WWC2: variants seen among roughly 807,000 people sequenced by gnomAD.
WWC2 encodes the protein protein WWC2.
A neutral mutation model predicts 138.5 loss-of-function variants in WWC2; 101 were observed. The observed-to-expected ratio is 0.73, with a 90% confidence interval of 0.62 to 0.86. The LOEUF (loss-of-function observed/expected upper bound fraction) is 0.86, where lower values mean the gene tolerates loss of function less well. WWC2 is among the 40% of genes least tolerant of loss of function. WWC2 has a pLI of 0.00. For synonymous variants in WWC2, 558 were observed against 538.4 expected, an observed-to-expected ratio of 1.04 and a Z score of -0.50; for missense variants, 1,420 against 1,419.4, an observed-to-expected ratio of 1.00 and a Z score of -0.01.
intron 9 of WWC2, among the ~76,000 whole-genome samples, chr4:183,256,387 C>T (rs982457896): frequency 6.6e-6 from 1 of 152,206 alleles, no homozygotes; most frequent in African/African-American, 2.4e-5. Context: ...GATACAACCT[C>T]GTCTGGCTTT....
At chr4:183,133,080 C>CCCTTTTCTTTTTCCTTCCCTCTTCG (rs1732985957) in intron 1 of WWC2, among the ~76,000 whole-genome samples, 1 of 139,176 alleles carries the variant, frequency 7.2e-6, no homozygotes, top group Non-Finnish European at 1.6e-5. Flanking sequence ...TTCCCTCTTC[C>CCCTTTTCTTTTTCCTTCCCTCTTCG]CTTACCTTTT....
intron 2 of WWC2, among the ~76,000 whole-genome samples, chr4:183,202,638 C>CT (rs1437286341): frequency 1.3e-5 from 2 of 151,994 alleles, no homozygotes; most frequent in East Asian, 1.9e-4. Flanking sequence ...TTACAAGTCT[C>CT]TTTTTTCTCC....
chr4:183,114,369 C>T (rs1012143086), intron 1 of WWC2, among the ~76,000 whole-genome samples: 1 of 152,068 alleles, frequency 6.6e-6, no homozygotes, highest in Non-Finnish European at 1.5e-5. Flanking sequence ...TATAAATTAC[C>T]CCATTTCAGG....
At chr4:183,301,878 A>C (rs1428605246) in intron 21 of WWC2, among the ~76,000 whole-genome samples, 1 of 152,182 alleles carries the variant, frequency 6.6e-6, no homozygotes, top group Non-Finnish European at 1.5e-5. Flanking sequence ...TTTTTATGCA[A>C]CATGTGTGTT....
At chr4:183,231,340 G>C (rs1736240516) in intron 4 of WWC2, among the ~76,000 whole-genome samples, 1 of 130,508 alleles carries the variant, frequency 7.7e-6, no homozygotes, top group African/African-American at 3.0e-5. Flanking sequence ...CGCGATCTCA[G>C]CTCATCACAA....
intron 6 of WWC2, among the ~76,000 whole-genome samples, chr4:183,248,365 T>G (rs996031908): frequency 1.3e-5 from 2 of 152,230 alleles, no homozygotes; most frequent in Non-Finnish European, 2.9e-5. Flanking sequence ...TTCCACAATT[T>G]CAGCTGCATG....
intron 4 of WWC2, chr4:183,233,950 G>A (rs911585363): frequency 2.6e-5 from 4 of 152,196 alleles, no homozygotes; most frequent in African/African-American, 9.7e-5. Flanking sequence ...ATGGTGAAAA[G>A]GGAAGGCAGT....
intron 1 of WWC2, among the ~76,000 whole-genome samples, chr4:183,179,628 G>T (rs1734565843): frequency 6.6e-6 from 1 of 152,132 alleles, no homozygotes; most frequent in African/African-American, 2.4e-5. Context: ...CTGGGTTGAT[G>T]ATGGTGCCAT....
At chr4:183,293,756 T>C (rs1253964498) in intron 21 of WWC2, among the ~76,000 whole-genome samples, 1 of 152,216 alleles carries the variant, frequency 6.6e-6, no homozygotes, top group African/African-American at 2.4e-5. Context: ...GAATGATATC[T>C]AAAAGTCTGT....
intron 14 of WWC2, among the ~76,000 whole-genome samples, chr4:183,268,678 G>C (rs746095255): frequency 6.6e-6 from 1 of 152,086 alleles, no homozygotes. Context: ...CGTTAAATTC[G>C]TCTGCCCTAC....
Position 183,246,889 on chromosome 4 carries a change from AG to A in WWC2, c.732+1345del, listed in dbSNP as rs546903655. Among the ~76,000 whole-genome samples, 625 of 152,302 alleles carry A rather than the reference AG, an allele frequency of 4.1e-3. 4 individuals are homozygous for A. The highest frequency in any genetic ancestry group is 0.014 in the African/African-American group (579 of 41,560). Reference sequence around the variant, plus strand: ...AGGTCCTTTAAAAAAAAAAGTTAATAGAACTGGAGCAAATCTACATTGGAAC... The same window carrying A: ...AGGTCCTTTAAAAAAAAAAGTTAATAAACTGGAGCAAATCTACATTGGAAC... On this transcript the variant is annotated intron_variant, in intron 6 of 22. Coordinates refer to ENST00000403733, the MANE Select transcript of WWC2 (RefSeq NM_024949.6).
At chr4:183,296,236 CATT>C (rs1392656183) in intron 21 of WWC2, among the ~76,000 whole-genome samples, 1 of 152,204 alleles carries the variant, frequency 6.6e-6, no homozygotes, top group Non-Finnish European at 1.5e-5. Flanking sequence ...GTAGAGGTAA[CATT>C]AATGCCACAT....
intron 21 of WWC2, among the ~76,000 whole-genome samples, chr4:183,304,059 TG>T: frequency 6.6e-6 from 1 of 152,170 alleles, no homozygotes; most frequent in Non-Finnish European, 1.5e-5. Context: ...TTCTGGTTTC[TG>T]GTCCAACATA....
intron 4 of WWC2, among the ~76,000 whole-genome samples, chr4:183,221,401 A>G (rs563022525): frequency 1.8e-4 from 27 of 152,352 alleles, no homozygotes; most frequent in African/African-American, 6.3e-4. Flanking sequence ...GATGTAAACA[A>G]TAACAGACCA....
chr4:183,171,072 C>T (rs1734264802), intron 1 of WWC2, among the ~76,000 whole-genome samples: 1 of 152,202 alleles, frequency 6.6e-6, no homozygotes, highest in African/African-American at 2.4e-5. Flanking sequence ...GGAAGCTTTT[C>T]TAATCAAAGG....
At chr4:183,230,364 A>G (rs1298143633) in intron 4 of WWC2, among the ~76,000 whole-genome samples, 1 of 150,926 alleles carries the variant, frequency 6.6e-6, no homozygotes, top group East Asian at 1.9e-4. Flanking sequence ...CCAGTAGAAG[A>G]AGATAAATAA....
intron 1 of WWC2, among the ~76,000 whole-genome samples, chr4:183,129,283 AG>A (rs1346773182): frequency 6.6e-6 from 1 of 152,028 alleles, no homozygotes. Flanking sequence ...TTTTTGGGGG[AG>A]GGGTATCTCT....
intron 1 of WWC2, among the ~76,000 whole-genome samples, chr4:183,167,740 G>A (rs989976673): frequency 2.6e-5 from 4 of 152,142 alleles, no homozygotes; most frequent in Non-Finnish European, 5.9e-5. Context: ...GTAGCTTTGG[G>A]AACAGGAAAG....
intron 2 of WWC2, among the ~76,000 whole-genome samples, chr4:183,201,195 A>G (rs1454727968): frequency 2.0e-5 from 3 of 152,102 alleles, no homozygotes; most frequent in Non-Finnish European, 2.9e-5. Flanking sequence ...TGTGGTGGTG[A>G]TGTCCTTGAA....
Sources: allele counts gnomAD v4.1 joint callset (sites outside exome capture counted in the v4.1 genomes callset), GRCh38; gene constraint gnomAD v4.1.1; transcripts MANE v1.5; gene names NCBI Gene and HGNC (gene_info 2026-07-23, HGNC 2026-07-21).